CCSER1: variants seen among roughly 807,000 people sequenced by gnomAD.
The protein encoded by CCSER1 is coiled-coil serine rich protein 1, also known as serine-rich coiled-coil domain-containing protein 1.
Under a neutral mutation model 82.0 loss-of-function variants are expected in CCSER1, and 41 were observed. The ratio of observed to expected loss-of-function variants is 0.50; its 90% CI spans 0.39 to 0.65. The LOEUF is 0.65. Among genes scored for constraint, CCSER1 ranks in the 30% least tolerant of loss-of-function variants. CCSER1 has a pLI of 0.00. For missense variants in CCSER1, 1,119 were observed against 1,064.2 expected (o/e 1.05, Z -0.72); for synonymous variants, 414 against 383.9 (o/e 1.08, Z -0.92).
intron 5 of CCSER1, among the ~76,000 whole-genome samples, chr4:90,547,156 T>C (rs1776857067): frequency 7.1e-6 from 1 of 141,626 alleles, no homozygotes; most frequent in African/African-American, 2.8e-5. Context: ...TTTCATGGTA[T>C]TTATGACTTT....
chr4:90,981,021 AGACCT>A (rs1038298204), intron 9 of CCSER1, among the ~76,000 whole-genome samples: 1 of 151,768 alleles, frequency 6.6e-6, no homozygotes, highest in Non-Finnish European at 1.5e-5. Flanking sequence ...CTCTACAGGT[AGACCT>A]GAAGTAGAAG....
At chr4:90,137,745 G>T (rs1378814522) in intron 1 of CCSER1, among the ~76,000 whole-genome samples, 1 of 152,138 alleles carries the variant, frequency 6.6e-6, no homozygotes, top group Admixed American at 6.5e-5. Flanking sequence ...AGCTATCCAG[G>T]GTACTAGATC....
At chr4:90,231,875 G>A (rs2153428395) in intron 1 of CCSER1, among the ~76,000 whole-genome samples, 1 of 149,304 alleles carries the variant, frequency 6.7e-6, no homozygotes, top group South Asian at 2.2e-4. Context: ...ATTCACAATT[G>A]CTTCAAAGAG....
At chr4:91,216,199 C>T (rs1314702169) in intron 10 of CCSER1, among the ~76,000 whole-genome samples, 3 of 152,184 alleles carry the variant, frequency 2.0e-5, no homozygotes, top group Admixed American at 6.5e-5. Flanking sequence ...CCCATACCTG[C>T]CTCCTCCAGG....
At chr4:91,058,910 T>C (rs1311815472) in intron 9 of CCSER1, among the ~76,000 whole-genome samples, 1 of 151,990 alleles carries the variant, frequency 6.6e-6, no homozygotes, top group Non-Finnish European at 1.5e-5. Flanking sequence ...ACAAGCATCA[T>C]TTGCACTGAA....
At chr4:90,938,525 C>A (rs1207603211) in intron 9 of CCSER1, among the ~76,000 whole-genome samples, 1 of 151,866 alleles carries the variant, frequency 6.6e-6, no homozygotes, top group African/African-American at 2.4e-5. Flanking sequence ...ATGTTAAGAG[C>A]AATTTTTGAT....
rs192455520 is a variant in CCSER1, at chr4:90,327,467, T to G, written c.1509+14420T>G. Among the ~76,000 whole-genome samples the G allele has an allele frequency of 3.3e-5, 5 of 152,322 alleles. No homozygotes were observed. The East Asian group carries it at 7.7e-4, about 24-fold the overall frequency. On this transcript the variant is annotated intron_variant, in intron 3 of 10. Transcript: ENST00000509176. ...TTAAAACACTGCCAAGTTTTCCATC[T>G]TTGAAGAAACAAATAAAAAATAATA...
intron 10 of CCSER1, among the ~76,000 whole-genome samples, chr4:91,319,963 C>T (rs181870271): frequency 3.3e-5 from 5 of 152,092 alleles, no homozygotes; most frequent in African/African-American, 9.6e-5. Flanking sequence ...TTCAGAGTAG[C>T]GCGATGAAAT....
intron 10 of CCSER1, among the ~76,000 whole-genome samples, chr4:91,230,980 C>A (rs1738583223): frequency 6.6e-6 from 1 of 151,580 alleles, no homozygotes; most frequent in Admixed American, 6.6e-5. Context: ...TGTTAGGGTA[C>A]AAAGAAAATA....
chr4:90,311,424 A>G (rs1735266172), intron 2 of CCSER1, among the ~76,000 whole-genome samples: 1 of 152,128 alleles, frequency 6.6e-6, no homozygotes, highest in Non-Finnish European at 1.5e-5. Context: ...TGCTGATTTG[A>G]TAATGTGTTG....
intron 10 of CCSER1, among the ~76,000 whole-genome samples, chr4:91,143,734 A>T (rs905135119): frequency 2.2e-4 from 33 of 152,034 alleles, no homozygotes; most frequent in African/African-American, 7.7e-4. Flanking sequence ...TGAGATTATC[A>T]TATGGTTTTT....
intron 4 of CCSER1, among the ~76,000 whole-genome samples, chr4:90,418,022 A>G (rs981666382): frequency 1.3e-5 from 2 of 152,186 alleles, no homozygotes; most frequent in Non-Finnish European, 2.9e-5. Context: ...GAAGTATAAC[A>G]TAATGGTTAA....
intron 10 of CCSER1, among the ~76,000 whole-genome samples, chr4:91,189,201 C>A (rs1204965476): frequency 6.6e-6 from 1 of 152,000 alleles, no homozygotes; most frequent in East Asian, 1.9e-4. Context: ...AGCTCAATAT[C>A]AGGTCATTCA....
chr4:91,518,459 AG>A (rs1760270971), intron 10 of CCSER1, among the ~76,000 whole-genome samples: 1 of 152,118 alleles, frequency 6.6e-6, no homozygotes, highest in Admixed American at 6.5e-5. Context: ...CTATAGTCCA[AG>A]GGAAGCTAGG....
chr4:91,042,464 G>T (rs1304657691), intron 9 of CCSER1, among the ~76,000 whole-genome samples: 1 of 152,094 alleles, frequency 6.6e-6, no homozygotes, highest in Non-Finnish European at 1.5e-5. Flanking sequence ...AATATAGTTT[G>T]CTTTTACAAA....
chr4:90,507,528 A>G (rs558583516), intron 5 of CCSER1, among the ~76,000 whole-genome samples: 2 of 152,212 alleles, frequency 1.3e-5, no homozygotes, highest in South Asian at 2.1e-4. Flanking sequence ...ATAGAAATAT[A>G]TATATATGTA....
chr4:90,152,821 C>T (rs1014406329), intron 1 of CCSER1, among the ~76,000 whole-genome samples: 1 of 151,074 alleles, frequency 6.6e-6, no homozygotes, highest in African/African-American at 2.4e-5. Flanking sequence ...GAGCAGTAGA[C>T]CAGCATGCTC....
chr4:91,567,586 A>G (rs58459157), intron 10 of CCSER1, among the ~76,000 whole-genome samples: 10,593 of 152,068 alleles, frequency 0.07, 404 homozygotes, highest in African/African-American at 0.099. Context: ...TATATATTTA[A>G]TATAGTTAGG....
At chr4:90,168,453 T>C (rs1045747229) in intron 1 of CCSER1, among the ~76,000 whole-genome samples, 2 of 152,198 alleles carry the variant, frequency 1.3e-5, no homozygotes, top group African/African-American at 4.8e-5. Context: ...GTAGTTTCTT[T>C]TGCAGTGCAG....
Sources: gnomAD v4.1 joint callset for allele counts (sites outside exome capture counted in the v4.1 genomes callset) on GRCh38, gnomAD v4.1.1 for gene constraint, MANE v1.5 for transcripts, NCBI Gene and HGNC (gene_info 2026-07-23, HGNC 2026-07-21) for gene names.